Variants in CWC22 observed in about 807,000 individuals in gnomAD.
CWC22 encodes the protein CWC22 spliceosome associated protein.
Under a neutral mutation model 117.2 loss-of-function variants are expected in CWC22, and 53 were observed. The ratio of observed to expected loss-of-function variants is 0.45; its 90% CI spans 0.36 to 0.57. The LOEUF is 0.57. Ranked by LOEUF, CWC22 falls within the 20% of genes least tolerant of loss-of-function variation. The probability of loss-of-function intolerance (pLI) is 0.00; values close to 1 mark genes in which losing one functional copy is unlikely to be tolerated. For synonymous variants in CWC22, 360 were observed against 355.6 expected (o/e 1.01, Z -0.14); for missense variants, 980 against 1,068.8 (o/e 0.92, Z 1.16).
chr2:180,005,980 T>C (rs1208756391), intron 1 of CWC22, among the ~76,000 whole-genome samples: 1 of 152,184 alleles, frequency 6.6e-6, no homozygotes, highest in Non-Finnish European at 1.5e-5. Context: ...TAACAATGCT[T>C]CTCCTCTCCT....
chr2:179,980,855 A>G (rs1377788237), intron 5 of CWC22, among the ~76,000 whole-genome samples: 1 of 152,162 alleles, frequency 6.6e-6, no homozygotes, highest in Non-Finnish European at 1.5e-5. Context: ...TCTTTTAACT[A>G]GTTATCTGGC....
At chr2:179,981,354 T>C (rs1458732315) in intron 5 of CWC22, among the ~76,000 whole-genome samples, 1 of 152,196 alleles carries the variant, frequency 6.6e-6, no homozygotes, top group Non-Finnish European at 1.5e-5. Context: ...ACAGAAAAAG[T>C]TTGCTGACTC....
chr2:179,995,779 T>A (rs1429034162), intron 1 of CWC22, among the ~76,000 whole-genome samples: 6 of 152,190 alleles, frequency 3.9e-5, no homozygotes. Context: ...TCCCATTTAA[T>A]ATAGCTTTAG....
At chr2:179,976,879 G>A (rs1031911442) in intron 6 of CWC22, among the ~76,000 whole-genome samples, 1 of 152,178 alleles carries the variant, frequency 6.6e-6, no homozygotes, top group African/African-American at 2.4e-5. Flanking sequence ...TACCAGCCAG[G>A]TGCGGTGGCT....
chr2:179,981,534 A>G (rs1008850072), intron 5 of CWC22, among the ~76,000 whole-genome samples: 1 of 152,182 alleles, frequency 6.6e-6, no homozygotes, highest in Non-Finnish European at 1.5e-5. Context: ...TTTTTAATTC[A>G]TTCATGCAAA....
At chr2:179,959,813 T>C (rs1440573193) in intron 13 of CWC22, among the ~76,000 whole-genome samples, 2 of 152,132 alleles carry the variant, frequency 1.3e-5, no homozygotes, top group East Asian at 1.9e-4. Flanking sequence ...ATGTGGTCTA[T>C]TGTTGACTGA....
At chr2:179,971,447 T>C (rs550071997) in intron 8 of CWC22, among the ~76,000 whole-genome samples, 206 of 152,282 alleles carry the variant, frequency 1.4e-3, no homozygotes, top group Non-Finnish European at 2.3e-3. Flanking sequence ...AATTACTACA[T>C]AAGAAATAGT....
At position 179,966,296 on chromosome 2, in the gene CWC22, T is replaced by G. The variant is rs137912910; in HGVS notation, c.1211-314A>C. Among the ~76,000 whole-genome samples the G allele has an allele frequency of 3.2e-3, 486 of 152,236 alleles. 3 individuals carry two copies. The highest frequency in any genetic ancestry group is 0.011 in the African/African-American group (470 of 41,524). Reference sequence around the variant, plus strand: ...CAAGAGCACTGGCAAATATTAGGAATAGAAGTTAGTATATGGGAGTCAAAA... The same window carrying G: ...CAAGAGCACTGGCAAATATTAGGAAGAGAAGTTAGTATATGGGAGTCAAAA... On this transcript the variant is annotated intron_variant, in intron 11 of 19. Coordinates refer to ENST00000410053, the MANE Select transcript of CWC22 (RefSeq NM_020943.3).
intron 12 of CWC22, among the ~76,000 whole-genome samples, 162 bp downstream of exon 12, chr2:179,965,716 G>A (rs1435612162): frequency 6.6e-6 from 1 of 152,164 alleles, no homozygotes; most frequent in Non-Finnish European, 1.5e-5. Flanking sequence ...GCAGTCTTGT[G>A]GTTTGTAGGC....
At position 179,944,979 on chromosome 2, in the gene CWC22, T is replaced by C; in HGVS notation, c.*150A>G. On this transcript the variant is annotated 3_prime_UTR_variant, in exon 20 of 20. Transcript: ENST00000410053. ...TGGGTAGGGCCTTGAGATGTATCAA[T>C]TATAAAACATGTTAAAATGAAAACA... 1.7e-6 allele frequency: 1 copy of C among 572,844 alleles called. No individual in the cohort carries two copies. Among genetic ancestry groups the C allele is most frequent in the East Asian group, 3.0e-5 (1 of 32,926 alleles). 35.5% of individuals were successfully genotyped at this position (572,844 alleles called of 1,614,324 possible).
At chr2:179,993,093 G>A (rs1687611497) in intron 2 of CWC22, among the ~76,000 whole-genome samples, 1 of 152,160 alleles carries the variant, frequency 6.6e-6, no homozygotes, top group Non-Finnish European at 1.5e-5. Flanking sequence ...ATATAGCTAA[G>A]TATCTACATT....
chr2:179,978,417 TA>T, intron 5 of CWC22, 99 bp from the exon 6 acceptor site: 1 of 1,269,316 alleles, frequency 7.9e-7, no homozygotes, highest in Non-Finnish European at 1.0e-6. Flanking sequence ...TTTTTGACAT[TA>T]TTTTCATGAA....
At chr2:179,950,139 T>C (rs1172419030) in intron 19 of CWC22, among the ~76,000 whole-genome samples, 1 of 152,138 alleles carries the variant, frequency 6.6e-6, no homozygotes, top group Non-Finnish European at 1.5e-5. Flanking sequence ...GTATGATATA[T>C]CTCAATTACA....
chr2:179,948,411 CA>C (rs1686363114), intron 19 of CWC22, among the ~76,000 whole-genome samples: 1 of 151,166 alleles, frequency 6.6e-6, no homozygotes, highest in African/African-American at 2.4e-5. Flanking sequence ...TTTAACCATC[CA>C]AAGATGGATG....
At position 179,958,293 on chromosome 2, in the gene CWC22, T is replaced by C. The variant is rs563217944; in HGVS notation, c.1458+729A>G. Among the ~76,000 whole-genome samples, 8 of 133,796 alleles carry C rather than the reference T, an allele frequency of 6.0e-5. No individual in the cohort carries two copies. In the South Asian group the frequency reaches 1.6e-3, roughly 27 times the overall value. The allele number at this position is 133,796 out of a possible 152,430, so 87.8% of individuals were successfully genotyped here. A position where few individuals can be genotyped will look rare whatever the true frequency, so the allele number is the denominator to read the frequency against. On this transcript the variant is annotated intron_variant, in intron 14 of 19. Transcript: ENST00000410053. ...TTGCAGTGAGCCGAGATCATGCCACTGCACTCTAGCCTGGGCGACATAGTG... is the reference window on the plus strand; with the variant it reads ...TTGCAGTGAGCCGAGATCATGCCACCGCACTCTAGCCTGGGCGACATAGTG...
chr2:179,999,107 G>A (rs1687781605), intron 1 of CWC22, among the ~76,000 whole-genome samples: 1 of 152,088 alleles, frequency 6.6e-6, no homozygotes, highest in Non-Finnish European at 1.5e-5. Context: ...TGACAATATG[G>A]TAAAGTAGAC....
At position 179,944,954 on chromosome 2, in the gene CWC22, T is replaced by C. The variant is rs538974555; in HGVS notation, c.*175A>G. 435 of 435,738 alleles carry C rather than the reference T, an allele frequency of 1.0e-3. 1 individual carries two copies. Among genetic ancestry groups the C allele is most frequent in the Non-Finnish European group, 1.5e-3 (369 of 251,716 alleles). The allele number at this position is 435,738 out of a possible 1,614,324, so 27.0% of individuals were successfully genotyped here. On this transcript the variant is annotated 3_prime_UTR_variant, in exon 20 of 20. Transcript: ENST00000410053. ...TGGTGAAAGTTTTCAAATAATTTTA[T>C]GGGTAGGGCCTTGAGATGTATCAAT...
At chr2:179,997,492 G>T (rs1051759179) in intron 1 of CWC22, among the ~76,000 whole-genome samples, 1 of 152,144 alleles carries the variant, frequency 6.6e-6, no homozygotes, top group African/African-American at 2.4e-5. Flanking sequence ...AGATGACTCT[G>T]TTGAAACCAA....
intron 4 of CWC22, 44 bp downstream of exon 4, chr2:179,986,651 A>T: frequency 8.9e-7 from 1 of 1,126,042 alleles, no homozygotes; most frequent in Non-Finnish European, 1.3e-6. Context: ...AAGAGAGTTT[A>T]AACAAATACA....
Sources: allele counts gnomAD v4.1 joint callset (sites outside exome capture counted in the v4.1 genomes callset), GRCh38; gene constraint gnomAD v4.1.1; transcripts MANE v1.5; gene names NCBI Gene and HGNC (gene_info 2026-07-23, HGNC 2026-07-21).